CPNE9: variants seen among roughly 807,000 people sequenced by gnomAD.
CPNE9 encodes copine-9.
Under a neutral mutation model 83.0 loss-of-function variants are expected in CPNE9, and 59 were observed. The ratio of observed to expected loss-of-function variants is 0.71; its 90% CI spans 0.58 to 0.88. The LOEUF (loss-of-function observed/expected upper bound fraction) is 0.88, where lower values mean the gene tolerates loss of function less well. CPNE9 is among the 40% of genes least tolerant of loss of function. CPNE9 has a pLI of 0.00. For synonymous variants in CPNE9, 256 were observed against 273.4 expected (o/e 0.94, Z 0.63); for missense variants, 619 against 720.8 (o/e 0.86, Z 1.62).
At chr3:9,707,766 T>G (rs1575116570) in intron 7 of CPNE9, among the ~76,000 whole-genome samples, 7 of 121,798 alleles carry the variant, frequency 5.7e-5, no homozygotes, top group Admixed American at 1.0e-4. Flanking sequence ...GGTGACAGAG[T>G]GAGACTGTCT....
At chr3:9,719,281 C>A (rs2076713121) in intron 17 of CPNE9, among the ~76,000 whole-genome samples, 2 of 152,096 alleles carry the variant, frequency 1.3e-5, no homozygotes, top group Non-Finnish European at 2.9e-5. Context: ...TGGAACCAAT[C>A]CCCCGTGGAT....
At chr3:9,727,409 C>A in intron 20 of CPNE9, 1 of 717,320 alleles carries the variant, frequency 1.4e-6, no homozygotes, top group Non-Finnish European at 2.6e-6. Context: ...GGCCCCTGCC[C>A]TCTAGTGGAG....
chr3:9,708,856 G>A (rs1241196670), intron 7 of CPNE9, among the ~76,000 whole-genome samples: 4 of 151,576 alleles, frequency 2.6e-5, no homozygotes, highest in Admixed American at 1.3e-4. Flanking sequence ...GGTTGGTCTC[G>A]ATCTCCTGAC....
At chr3:9,705,748 T>C (rs1262503994) in intron 6 of CPNE9, 28 bp downstream of exon 6, 4 of 1,611,308 alleles carry the variant, frequency 2.5e-6, no homozygotes, top group Non-Finnish European at 3.4e-6. Context: ...TGGGCAGAGG[T>C]TGGGGGTGGG....
Position 9,729,619 on chromosome 3 carries a change from G to A in CPNE9, c.1589G>A (p.Arg530His), listed in dbSNP as rs373089220. ...CCGGAGCAGCTGCTGTCCTATATGC[G>A]CACCAGAGACATCCAGCCTCGGCCC... The part of the protein sequence containing the change: ...EIPEQLLSYM[R>H]TRDIQPRPPP... Residue 530 changes from arginine to histidine, a missense_variant, in exon 21 of 21, where the codon CGC becomes CAC. Coordinates refer to ENST00000383832, the MANE Select transcript of CPNE9 (RefSeq NM_153635.3). The A allele has an allele frequency of 5.9e-5, 96 of 1,613,892 alleles. No individual in the cohort carries two copies. Among genetic ancestry groups the A allele is most frequent in the South Asian group, 1.1e-4 (10 of 91,076 alleles).
intron 17 of CPNE9, among the ~76,000 whole-genome samples, chr3:9,723,350 T>A (rs2076750351): frequency 6.6e-6 from 1 of 151,980 alleles, no homozygotes. Context: ...TGGGCGCCTG[T>A]AATCCCAGCT....
At chr3:9,715,898 C>A in intron 13 of CPNE9, 76 bp from the exon 14 acceptor site, 1 of 1,326,752 alleles carries the variant, frequency 7.5e-7, no homozygotes, top group Non-Finnish European at 1.1e-6. Context: ...CTTTCCAAGC[C>A]CCTATGGGCC....
chr3:9,729,461 T>A, intron 20 of CPNE9, 46 bp from the exon 21 acceptor site: 1 of 1,558,296 alleles, frequency 6.4e-7, no homozygotes, highest in African/African-American at 1.3e-5. Context: ...CCCCATGCCC[T>A]CTCTCCTGGT....
rs1157783512 is a variant in CPNE9, at chr3:9,727,039, G to A, written c.1403-74G>A. On this transcript the variant is annotated intron_variant, in intron 19 of 20. Transcript: ENST00000383832. ...GCATTCTCCTGATGACTCCAAAGGGGAGCTCAAAGGGAGGGGGCAGCATGG... is the reference window on the plus strand; with the variant it reads ...GCATTCTCCTGATGACTCCAAAGGGAAGCTCAAAGGGAGGGGGCAGCATGG... 4.7e-6 allele frequency: 7 copies of A among 1,494,308 alleles called. No individual in the cohort carries two copies. The African/African-American group carries it at 8.2e-5, about 18-fold the overall frequency. 92.6% of individuals were successfully genotyped at this position (1,494,308 alleles called of 1,614,324 possible).
rs1224470744 is a variant in CPNE9 at position 9,718,073 on chromosome 3, C to A, written c.976C>A (p.Gln326Lys). The A allele has an allele frequency of 6.2e-7, 1 of 1,614,036 alleles. No homozygotes were observed. The highest frequency in any genetic ancestry group is 8.5e-7 in the Non-Finnish European group (1 of 1,179,960). ...CTCCCTGCACTACATGAGTCCCTACCAGCTCAGCGCCTATGCCATGGCCCT... is the reference window on the plus strand; with the variant it reads ...CTCCCTGCACTACATGAGTCCCTACAAGCTCAGCGCCTATGCCATGGCCCT... ...PTSLHYMSPYQLSAYAMALKA... is the reference protein window; with the variant it reads ...PTSLHYMSPYKLSAYAMALKA... The change falls in exon 16 of 21, where the codon CAG becomes AAG. Residue 326 changes from glutamine to lysine, a missense_variant. Physicochemically the swap from Gln to Lys is moderately conservative, Grantham distance 53. Transcript: ENST00000383832.
At chr3:9,718,628 G>A in intron 17 of CPNE9, 26 bp downstream of exon 17, 1 of 1,607,324 alleles carries the variant, frequency 6.2e-7, no homozygotes, top group South Asian at 1.1e-5. Context: ...GGAAGCTGGG[G>A]GAAATGAGGG....
At position 9,724,758 on chromosome 3, in the gene CPNE9, A is replaced by ATCTG. The variant is rs1346343148; in HGVS notation, c.1242-1188_1242-1187insGTCT. ...TATCTATCTATCTATCTATCTATCT[A>ATCTG]TCTATCTATCTATCTGAGACGGAGT... is the stretch of plus-strand genomic sequence containing the variant. On this transcript the variant is annotated intron_variant, in intron 17 of 20. Transcript: ENST00000383832. 2.0e-5 allele frequency among the ~76,000 whole-genome samples: 3 copies of ATCTG among 150,832 alleles called. No homozygotes were observed. In the East Asian group the frequency reaches 5.8e-4, roughly 29 times the overall value.
In CPNE9 at chr3:9,706,038, G is replaced by A; in HGVS notation, c.352G>A (p.Gly118Ser). ...LALGEVIGGQGSRVERTLTGV... is the reference protein window; with the variant it reads ...LALGEVIGGQSSRVERTLTGV... ...CCTGGGAGAGGTGATTGGAGGCCAG[G>A]GCAGCCGAGTAGAGCGAACCCTCAC... Residue 118 changes from glycine (G) to serine (S), a missense_variant, in exon 7 of 21, where the codon GGC becomes AGC. Gly to Ser is a moderately conservative substitution (Grantham distance 56, BLOSUM62 0). This residue lies in a region of CPNE9 where 438 missense variants were observed against 562.9 expected (regional missense o/e 0.78). Coordinates refer to ENST00000383832, the MANE Select transcript of CPNE9 (RefSeq NM_153635.3). 1 of 1,613,612 alleles carries A rather than the reference G, an allele frequency of 6.2e-7. No individual in the cohort carries two copies. The highest frequency in any genetic ancestry group is 8.5e-7 in the Non-Finnish European group (1 of 1,179,988).
chr3:9,715,298 C>T lies in CPNE9; in HGVS notation c.702C>T (p.Phe234=). The change falls in exon 12 of 21, where the codon TTC becomes TTT. Residue 234 remains phenylalanine, a synonymous_variant. Coordinates refer to ENST00000383832, the MANE Select transcript of CPNE9 (RefSeq NM_153635.3). ...YDWDRDGSHD[F]IGEFTTSYRE... Reference sequence around the variant, plus strand: ...GCCCACCTCATTGCAGCCACGATTTCATTGGTGAGTTCACCACCAGCTACC... The same window carrying T: ...GCCCACCTCATTGCAGCCACGATTTTATTGGTGAGTTCACCACCAGCTACC... The T allele has an allele frequency of 6.2e-7, 1 of 1,614,190 alleles. No individual in the cohort carries two copies. Among genetic ancestry groups the T allele is most frequent in the South Asian group, 1.1e-5 (1 of 91,080 alleles).
In CPNE9 at chr3:9,728,481, G is replaced by A. The variant is rs113311593; in HGVS notation, c.1477-1026G>A. Among the ~76,000 whole-genome samples, 368 of 152,204 alleles carry A rather than the reference G, an allele frequency of 2.4e-3. 3 individuals carry two copies. The highest frequency in any genetic ancestry group is 8.7e-3 in the African/African-American group (363 of 41,510). ...TCTACTAAAAATATAAAATTAGCCGGGTGTGGTGGTGCATGTCTGTAATCC... is the reference window on the plus strand; with the variant it reads ...TCTACTAAAAATATAAAATTAGCCGAGTGTGGTGGTGCATGTCTGTAATCC... On this transcript the variant is annotated intron_variant, in intron 20 of 20. Transcript: ENST00000383832.
At position 9,704,064 on chromosome 3, in the gene CPNE9, G is replaced by A; in HGVS notation, c.68G>A (p.Arg23Gln). 1 of 1,605,630 alleles carries A rather than the reference G, an allele frequency of 6.2e-7. No homozygotes were observed. Among genetic ancestry groups the A allele is most frequent in the South Asian group, 1.1e-5 (1 of 89,656 alleles). The change falls in exon 1 of 21, where the codon CGG becomes CAG. Residue 23 changes from arginine (R) to glutamine (Q), a missense_variant and splice_region_variant. Coordinates refer to ENST00000383832, the MANE Select transcript of CPNE9 (RefSeq NM_153635.3). The surrounding 1 kb of genome is among the most constrained non-coding windows in gnomAD (Gnocchi z 7.1). Reference protein sequence around the residue: ...ATKIEITVSCRNLLDLDTFSK... With the variant: ...ATKIEITVSCQNLLDLDTFSK... ...AAGATTGAAATTACCGTGTCCTGCCGGTGAGCGGGCCGCGCTGGGGAGGGC... is the reference window on the plus strand; with the variant it reads ...AAGATTGAAATTACCGTGTCCTGCCAGTGAGCGGGCCGCGCTGGGGAGGGC...
At chr3:9,708,919 C>T (rs370078776) in intron 7 of CPNE9, among the ~76,000 whole-genome samples, 87 of 150,476 alleles carry the variant, frequency 5.8e-4, no homozygotes, top group African/African-American at 1.6e-3. Context: ...CAGGCGTGAG[C>T]CACCGCACCC....
intron 14 of CPNE9, among the ~76,000 whole-genome samples, chr3:9,716,620 G>A (rs142505284): frequency 9.7e-4 from 148 of 152,160 alleles, no homozygotes; most frequent in Non-Finnish European, 1.9e-3. Flanking sequence ...ACAGGCATGC[G>A]CCACCACGCC....
intron 10 of CPNE9, among the ~76,000 whole-genome samples, chr3:9,714,679 A>C (rs1314256085): frequency 6.7e-6 from 1 of 149,702 alleles, no homozygotes; most frequent in Admixed American, 6.7e-5. Flanking sequence ...CCAACCAAAC[A>C]AACAAAAAAA....
Sources: allele counts gnomAD v4.1 joint callset (sites outside exome capture counted in the v4.1 genomes callset), GRCh38; gene constraint gnomAD v4.1.1; regional missense constraint gnomAD v4.1.1; non-coding constraint Gnocchi (gnomAD v3.1); transcripts MANE v1.5; gene names NCBI Gene and HGNC (gene_info 2026-07-23, HGNC 2026-07-21).